Variants in GABARAP observed in about 807,000 individuals in gnomAD.
GABARAP encodes the protein GABA type A receptor-associated protein.
A neutral mutation model predicts 16.7 loss-of-function variants in GABARAP; 5 were observed. The ratio of observed to expected loss-of-function variants is 0.30; its 90% CI spans 0.16 to 0.63. The LOEUF (loss-of-function observed/expected upper bound fraction) is 0.63, where lower values mean the gene tolerates loss of function less well. GABARAP is among the 20% of genes least tolerant of loss of function. The pLI is 0.82. For missense variants in GABARAP, 84 were observed against 146.6 expected (o/e 0.57, Z 2.21); for synonymous variants, 45 against 52.7 (o/e 0.85, Z 0.64).
intron 1 of GABARAP, 50 bp from the exon 2 acceptor site, chr17:7,241,729 T>C: frequency 2.7e-6 from 3 of 1,110,636 alleles, no homozygotes; most frequent in Non-Finnish European, 4.2e-6. Flanking sequence ...GCCCCGAAGC[T>C]GCACCTGTCA....
At chr17:7,241,063 C>G in intron 3 of GABARAP, 144 bp from the exon 4 acceptor site, 1 of 702,696 alleles carries the variant, frequency 1.4e-6, no homozygotes. Flanking sequence ...AGTATAATCT[C>G]TGCAGTCCTG....
intron 1 of GABARAP, 92 bp downstream of exon 1, chr17:7,242,149 G>A: frequency 2.1e-6 from 2 of 933,226 alleles, no homozygotes; most frequent in South Asian, 2.9e-5. Context: ...ACAGCCAGCA[G>A]CCTGATCCCT....
In GABARAP at chr17:7,242,295, C is replaced by A. The variant is rs745382845; in HGVS notation, c.36G>T (p.Glu12Asp). Residue 12 changes from glutamate (E) to aspartate (D), a missense_variant, in exon 1 of 4, where the codon GAG becomes GAT. By Grantham distance (45) the Glu-to-Asp change is conservative. Transcript: ENST00000302386. Reference sequence around the variant, plus strand: ...TCTTCTCGCCCTCAGAGCGGCGCTTCTCGAACGGATGCTCTTCTTTGTACA... The same window carrying A: ...TCTTCTCGCCCTCAGAGCGGCGCTTATCGAACGGATGCTCTTCTTTGTACA... ...KFVYKEEHPF[E>D]KRRSEGEKIR... The A allele has an allele frequency of 6.2e-7, 1 of 1,613,766 alleles. No individual in the cohort carries two copies. The highest frequency in any genetic ancestry group is 8.5e-7 in the Non-Finnish European group (1 of 1,179,902).
rs1013594629 is a variant in GABARAP at position 7,240,719 on chromosome 17, A to G, written c.*135T>C. On this transcript the variant is annotated 3_prime_UTR_variant, in exon 4 of 4. Coordinates refer to ENST00000302386, the MANE Select transcript of GABARAP (RefSeq NM_007278.2). ...CCCTCCTAAGAGAGGCTGGAGAGAA[A>G]GCCACAAACATTAAGAAGTGCCGGT... is the stretch of plus-strand genomic sequence containing the variant. The G allele has an allele frequency of 1.5e-6, 1 of 666,048 alleles. No homozygotes were observed. The highest frequency in any genetic ancestry group is 2.7e-6 in the Non-Finnish European group (1 of 367,166). 41.3% of individuals were successfully genotyped at this position (666,048 alleles called of 1,614,324 possible).
At chr17:7,241,540 C>T in intron 2 of GABARAP, 61 bp downstream of exon 2, 1 of 1,370,552 alleles carries the variant, frequency 7.3e-7, no homozygotes. Flanking sequence ...GGAGCCTCCT[C>T]CCGCAGAGAC....
At chr17:7,241,195 T>C (rs925117665) in intron 3 of GABARAP, 147 bp downstream of exon 3, 5 of 703,576 alleles carry the variant, frequency 7.1e-6, no homozygotes, top group Non-Finnish European at 1.3e-5. Context: ...CCTACTGTTC[T>C]GTCCAAACCC....
rs767382411 is a variant in GABARAP, at chr17:7,241,629, C to T, written c.141G>A (p.Lys47=). The T allele has an allele frequency of 3.5e-5, 56 of 1,612,764 alleles. No homozygotes were observed. Among genetic ancestry groups the T allele is most frequent in the Non-Finnish European group, 3.3e-5 (39 of 1,178,788 alleles). ...TGAGATCAGAAGGCACCAGGTATTT[C>T]TTTTTGTCCAGGTCTCCTATCCGAG... ...PKARIGDLDK[K]KYLVPSDLTV... The change falls in exon 2 of 4, where the codon AAG becomes AAA. Residue 47 remains lysine (K), a synonymous_variant. Transcript: ENST00000302386.
rs766036988 is a variant in GABARAP at position 7,240,882 on chromosome 17, T to G, written c.326A>C (p.Tyr109Ser). The G allele has an allele frequency of 4.3e-6, 7 of 1,613,030 alleles. No individual in the cohort carries two copies. Among genetic ancestry groups the G allele is most frequent in the Non-Finnish European group, 5.9e-6 (7 of 1,179,092 alleles). ...HEEDFFLYIA[Y>S]SDESVYGL is the part of the protein sequence containing the mutation. Reference sequence around the variant, plus strand: ...CAGACCGTAGACACTTTCGTCACTGTAGGCAATGTAGAGAAAGAAGTCTTC... The same window carrying G: ...CAGACCGTAGACACTTTCGTCACTGGAGGCAATGTAGAGAAAGAAGTCTTC... The change falls in exon 4 of 4, where the codon TAC becomes TCC. Residue 109 changes from tyrosine to serine, a missense_variant. Coordinates refer to ENST00000302386, the MANE Select transcript of GABARAP (RefSeq NM_007278.2).
Position 7,240,310 on chromosome 17 carries a change from C to T in GABARAP, c.*544G>A, listed in dbSNP as rs1254774703. 1 of 153,296 alleles carries T rather than the reference C, an allele frequency of 6.5e-6. No individual in the cohort carries two copies. Among genetic ancestry groups the T allele is most frequent in the Non-Finnish European group, 1.5e-5 (1 of 68,528 alleles). The allele number at this position is 153,296 out of a possible 1,614,324, so 9.5% of individuals were successfully genotyped here. On this transcript the variant is annotated 3_prime_UTR_variant, in exon 4 of 4. Coordinates refer to ENST00000302386, the MANE Select transcript of GABARAP (RefSeq NM_007278.2). ...GAATAAACCAAAATATACTTCTATC[C>T]CTCCAGCTTGTACCCAGTACTCTTC...
At chr17:7,241,211 C>T in intron 3 of GABARAP, 131 bp downstream of exon 3, 1 of 719,402 alleles carries the variant, frequency 1.4e-6, no homozygotes, top group Admixed American at 2.0e-5. Flanking sequence ...AACCCCCAAC[C>T]CACGGCTATT....
At chr17:7,241,541 C>T (rs1455383873) in intron 2 of GABARAP, 60 bp downstream of exon 2, 21 of 1,373,024 alleles carry the variant, frequency 1.5e-5, no homozygotes, top group East Asian at 4.6e-5. Context: ...GAGCCTCCTC[C>T]CGCAGAGACT....
rs1435042433 is a variant in GABARAP at position 7,240,228 on chromosome 17, T to C, written c.*626A>G. On this transcript the variant is annotated 3_prime_UTR_variant, in exon 4 of 4. Transcript: ENST00000302386. ...TCAAGAAATAATCCTCAGTATTCCA[T>C]TCCATCACAACAAAAGCACCCTCTT... 6.6e-6 allele frequency: 1 copy of C among 152,300 alleles called. No homozygotes were observed. Among genetic ancestry groups the C allele is most frequent in the African/African-American group, 2.4e-5 (1 of 41,432 alleles). The allele number at this position is 152,300 out of a possible 1,614,324, so 9.4% of individuals were successfully genotyped here. A position where few individuals can be genotyped will look rare whatever the true frequency, so the allele number is the denominator to read the frequency against.
intron 1 of GABARAP, 24 bp downstream of exon 1, chr17:7,242,217 C>T (rs1244366104): frequency 1.3e-6 from 2 of 1,576,282 alleles, no homozygotes; most frequent in Non-Finnish European, 1.7e-6. Flanking sequence ...GTCCCGCGCC[C>T]TCGGCCCTGG....
At chr17:7,241,011 T>C (rs1476585242) in intron 3 of GABARAP, 92 bp from the exon 4 acceptor site, 2 of 837,898 alleles carry the variant, frequency 2.4e-6, no homozygotes, top group Middle Eastern at 2.2e-4. Flanking sequence ...CCACAAACCA[T>C]TGCCTGACTC....
chr17:7,241,101 C>A (rs773002031), intron 3 of GABARAP, among the ~76,000 whole-genome samples, 182 bp from the exon 4 acceptor site: 12 of 152,194 alleles, frequency 7.9e-5, no homozygotes, highest in Non-Finnish European at 1.6e-4. Flanking sequence ...CTGTTTTCTG[C>A]TGCTTTGGAA....
At chr17:7,242,033 T>A in intron 1 of GABARAP, 1 of 600,336 alleles carries the variant, frequency 1.7e-6, no homozygotes, top group East Asian at 2.8e-5. Flanking sequence ...ATGCTAAGGT[T>A]TCTCTCTCCT....
rs2071762937 is a variant in GABARAP, at chr17:7,240,346, A to T, written c.*508T>A. The stretch of plus-strand genomic sequence containing the variant: ...TACCCAGTACTCTTCTTTCCCCACC[A>T]CTGAAACCCACTGACACCTTGGAAA... On this transcript the variant is annotated 3_prime_UTR_variant, in exon 4 of 4. Coordinates refer to ENST00000302386, the MANE Select transcript of GABARAP (RefSeq NM_007278.2). The T allele has an allele frequency of 6.3e-6, 1 of 157,714 alleles. No individual in the cohort carries two copies. The highest frequency in any genetic ancestry group is 1.6e-4 in the South Asian group (1 of 6,190). The allele number at this position is 157,714 out of a possible 1,614,324, so 9.8% of individuals were successfully genotyped here. A position where few individuals can be genotyped will look rare whatever the true frequency, so the allele number is the denominator to read the frequency against.
At position 7,242,268 on chromosome 17, in the gene GABARAP, G is replaced by C; in HGVS notation, c.63C>G (p.Ile21Met). 1 of 1,613,720 alleles carries C rather than the reference G, an allele frequency of 6.2e-7. No individual in the cohort carries two copies. Among genetic ancestry groups the C allele is most frequent in the Non-Finnish European group, 8.5e-7 (1 of 1,179,782 alleles). The change falls in exon 1 of 4, where the codon ATC (isoleucine) becomes ATG (methionine). Residue 21 changes from isoleucine to methionine, a missense_variant. Physicochemically the swap from Ile to Met is conservative, Grantham distance 10. Coordinates refer to ENST00000302386, the MANE Select transcript of GABARAP (RefSeq NM_007278.2). The part of the protein sequence containing the change: ...FEKRRSEGEK[I>M]RKKYPDRVPV... ...GCACCCGGTCCGGGTATTTCTTTCGGATCTTCTCGCCCTCAGAGCGGCGCT... is the reference window on the plus strand; with the variant it reads ...GCACCCGGTCCGGGTATTTCTTTCGCATCTTCTCGCCCTCAGAGCGGCGCT...
intron 1 of GABARAP, 189 bp from the exon 2 acceptor site, chr17:7,241,868 A>G: frequency 1.6e-6 from 1 of 607,164 alleles, no homozygotes; most frequent in Non-Finnish European, 2.9e-6. Flanking sequence ...TTAAATATCC[A>G]GGATCCATCC....
Sources: allele counts gnomAD v4.1 joint callset (sites outside exome capture counted in the v4.1 genomes callset), GRCh38; gene constraint gnomAD v4.1.1; transcripts MANE v1.5; gene names NCBI Gene and HGNC (gene_info 2026-07-23, HGNC 2026-07-21).